Variants in CEP85 observed in about 807,000 individuals in gnomAD.
The protein encoded by CEP85 is centrosomal protein of 85 kDa.
In CEP85, 58 loss-of-function variants were observed where a neutral mutation model predicts 93.7. The ratio of observed to expected loss-of-function variants is 0.62; its 90% confidence interval spans 0.50 to 0.77. The LOEUF (loss-of-function observed/expected upper bound fraction) is 0.77. Among genes scored for constraint, CEP85 ranks in the 30% least tolerant of loss-of-function variants. The pLI is 0.00. For synonymous variants in CEP85, 314 were observed against 338.6 expected (o/e 0.93, Z 0.80); for missense variants, 868 against 922.0 (o/e 0.94, Z 0.76).
At chr1:26,241,742 A>G (rs528112340) in intron 2 of CEP85, among the ~76,000 whole-genome samples, 2 of 152,106 alleles carry the variant, frequency 1.3e-5, no homozygotes, top group Admixed American at 6.5e-5. Flanking sequence ...GACATGCACT[A>G]TAACACAAAA....
At chr1:26,272,642 T>G (rs58711339) in intron 11 of CEP85, among the ~76,000 whole-genome samples, 16,479 of 134,812 alleles carry the variant, frequency 0.12, 1,016 homozygotes, top group Middle Eastern at 0.16. Context: ...TTTTTTTTTT[T>G]TTGGAGACAG....
At chr1:26,269,241 C>T in intron 8 of CEP85, 1 of 551,570 alleles carries the variant, frequency 1.8e-6, no homozygotes, top group African/African-American at 1.9e-5. Flanking sequence ...TAGGGACTAC[C>T]TGCGTCAGAA....
intron 11 of CEP85, among the ~76,000 whole-genome samples, chr1:26,273,934 T>TAAA (rs777935042): frequency 0.041 from 4,426 of 107,664 alleles, 98 homozygotes; most frequent in African/African-American, 0.074. Flanking sequence ...ATAAATAAAA[T>TAAA]ATATATATAT....
At chr1:26,242,655 C>T (rs2089445319) in intron 2 of CEP85, among the ~76,000 whole-genome samples, 1 of 151,658 alleles carries the variant, frequency 6.6e-6, no homozygotes, top group African/African-American at 2.4e-5. Flanking sequence ...TAATTTGTGT[C>T]CAAATTACTT....
At chr1:26,276,862 G>A (rs2090060888) in intron 13 of CEP85, 102 bp downstream of exon 13, 2 of 959,864 alleles carry the variant, frequency 2.1e-6, no homozygotes, top group East Asian at 2.6e-5. Flanking sequence ...TGTAGACAGA[G>A]TACATAGTCC....
chr1:26,258,915 T>C (rs1170934479), intron 6 of CEP85, among the ~76,000 whole-genome samples: 1 of 152,238 alleles, frequency 6.6e-6, no homozygotes, highest in East Asian at 1.9e-4. Flanking sequence ...TTATCCTCCA[T>C]ATCTAGGAGC....
At chr1:26,276,049 T>C (rs2090048559) in intron 12 of CEP85, among the ~76,000 whole-genome samples, 1 of 151,512 alleles carries the variant, frequency 6.6e-6, no homozygotes, top group Non-Finnish European at 1.5e-5. Flanking sequence ...AGCTGTCATA[T>C]TGTCTTTCTT....
intron 3 of CEP85, among the ~76,000 whole-genome samples, chr1:26,251,693 A>G (rs1222514883): frequency 6.6e-6 from 1 of 152,176 alleles, no homozygotes; most frequent in African/African-American, 2.4e-5. Context: ...TTAAGTTTCC[A>G]ACACATGAAC....
At chr1:26,256,928 G>GTGTGTGTGT (rs199539021) in intron 4 of CEP85, among the ~76,000 whole-genome samples, 2,091 of 111,396 alleles carry the variant, frequency 0.019, 42 homozygotes, top group African/African-American at 0.023. Context: ...GTTTTGTTTT[G>GTGTGTGTGT]GTGTGTGTGT....
intron 6 of CEP85, among the ~76,000 whole-genome samples, chr1:26,258,847 G>A (rs559993351): frequency 1.3e-5 from 2 of 151,998 alleles, no homozygotes; most frequent in East Asian, 1.9e-4. Flanking sequence ...CGCCTACCTC[G>A]GCTTCCCAAA....
intron 12 of CEP85, 82 bp downstream of exon 12, chr1:26,275,153 A>T (rs1004203975): frequency 2.5e-5 from 25 of 991,582 alleles, no homozygotes; most frequent in Admixed American, 4.3e-5. Flanking sequence ...CTACCCCAAT[A>T]AGAGCCCCAG....
intron 9 of CEP85, 114 bp downstream of exon 9, chr1:26,269,728 G>T: frequency 2.7e-6 from 2 of 741,696 alleles, no homozygotes; most frequent in African/African-American, 1.8e-5. Flanking sequence ...TTACTTATCT[G>T]AGCTTTGTTT....
intron 11 of CEP85, among the ~76,000 whole-genome samples, chr1:26,273,932 A>ATAAT (rs1553161624): frequency 9.6e-5 from 14 of 145,780 alleles, no homozygotes; most frequent in East Asian, 3.9e-4. Flanking sequence ...AAATAAATAA[A>ATAAT]ATATATATAT....
At chr1:26,240,123 C>A (rs1414378457) in intron 2 of CEP85, among the ~76,000 whole-genome samples, 3 of 152,104 alleles carry the variant, frequency 2.0e-5, no homozygotes, top group African/African-American at 7.2e-5. Flanking sequence ...ATCAGAAAAA[C>A]ACAGCATAAA....
At chr1:26,268,391 G>GTC in intron 7 of CEP85, 92 bp from the exon 8 acceptor site, 1 of 1,443,030 alleles carries the variant, frequency 6.9e-7, no homozygotes. Flanking sequence ...CTGGGAGGTG[G>GTC]AGGCTGCAGT....
chr1:26,258,685 C>T (rs145624104), intron 6 of CEP85, among the ~76,000 whole-genome samples: 2,348 of 152,166 alleles, frequency 0.015, 131 homozygotes, highest in Admixed American at 0.11. Context: ...CAACCTCCGC[C>T]TCCCGGGTTC....
intron 3 of CEP85, among the ~76,000 whole-genome samples, chr1:26,251,770 TAG>T (rs1557654386): frequency 5.9e-5 from 9 of 152,060 alleles, no homozygotes. Flanking sequence ...TTGGTGAATC[TAG>T]AGAGAGTGGT....
Position 26,269,564 on chromosome 1 carries a change from A to G in CEP85, c.1599A>G (p.Gln533=), listed in dbSNP as rs1345416724. The G allele has an allele frequency of 1.9e-6, 3 of 1,614,004 alleles. No individual in the cohort carries two copies. The highest frequency in any genetic ancestry group is 2.2e-5 in the East Asian group (1 of 44,886). The part of the protein sequence containing the change: ...TQAICREKEI[Q]LESLRQREAE... ...CAATCTGCAGAGAGAAGGAGATTCA[A>G]CTGGAAAGCCTGAGGCAGAGAGAAG... The change falls in exon 9 of 14, where the codon CAA becomes CAG. Residue 533 remains glutamine (Q), a synonymous_variant. Coordinates refer to ENST00000451429, the MANE Select transcript of CEP85 (RefSeq NM_001319944.2).
chr1:26,245,597 C>T (rs970800087), intron 3 of CEP85, among the ~76,000 whole-genome samples: 13 of 151,936 alleles, frequency 8.6e-5, no homozygotes, highest in Non-Finnish European at 8.8e-5. Context: ...TTTGTTTTTC[C>T]GTTTAGATTG....
Sources: gnomAD v4.1 joint callset for allele counts (sites outside exome capture counted in the v4.1 genomes callset) on GRCh38, gnomAD v4.1.1 for gene constraint, MANE v1.5 for transcripts, NCBI Gene and HGNC (gene_info 2026-07-23, HGNC 2026-07-21) for gene names.